The following OPCML variants were observed in gnomAD, a reference collection of about 807,000 sequenced individuals.
OPCML encodes opioid binding protein/cell adhesion molecule like.
A neutral mutation model predicts 37.8 loss-of-function variants in OPCML; 13 were observed. The observed-to-expected ratio is 0.34, with a 90% confidence interval of 0.22 to 0.55. The LOEUF (loss-of-function observed/expected upper bound fraction) is 0.55, where lower values mean the gene tolerates loss of function less well. Among genes scored for constraint, OPCML ranks in the 20% least tolerant of loss-of-function variants. OPCML has a pLI of 0.91. For synonymous variants in OPCML, 176 were observed against 168.8 expected (o/e 1.04, Z -0.33); for missense variants, 341 against 435.6 (o/e 0.78, Z 1.93).
chr11:133,414,278 C>G (rs1040676088), intron 1 of OPCML, among the ~76,000 whole-genome samples: 1 of 152,102 alleles, frequency 6.6e-6, no homozygotes, highest in African/African-American at 2.4e-5. Flanking sequence ...GGTTTTCATC[C>G]TTGGCCAGCA....
chr11:132,567,224 T>C (rs962699722), intron 3 of OPCML, among the ~76,000 whole-genome samples: 1 of 152,118 alleles, frequency 6.6e-6, no homozygotes, highest in Non-Finnish European at 1.5e-5. Flanking sequence ...GCTTCCCAGT[T>C]CTCATGGTGA....
At chr11:132,638,339 A>G (rs1219736015) in intron 3 of OPCML, among the ~76,000 whole-genome samples, 1 of 151,942 alleles carries the variant, frequency 6.6e-6, no homozygotes, top group East Asian at 1.9e-4. Context: ...ATAGCTGGTA[A>G]CAGAAAAAAA....
intron 2 of OPCML, among the ~76,000 whole-genome samples, chr11:132,759,348 T>C (rs1946178458): frequency 6.6e-6 from 1 of 152,174 alleles, no homozygotes; most frequent in South Asian, 2.1e-4. Flanking sequence ...TCTTTTTCTA[T>C]TGTTTGGAAT....
At chr11:133,295,895 A>G (rs551535982) in intron 1 of OPCML, among the ~76,000 whole-genome samples, 65 of 152,354 alleles carry the variant, frequency 4.3e-4, no homozygotes, top group African/African-American at 1.5e-3. Context: ...TTTCATATAC[A>G]TTTGCACTCC....
At chr11:133,117,137 G>T (rs1222811518) in intron 1 of OPCML, among the ~76,000 whole-genome samples, 2 of 152,070 alleles carry the variant, frequency 1.3e-5, no homozygotes, top group Admixed American at 6.5e-5. Flanking sequence ...AATTATCCCA[G>T]ATTTGGTTAA....
chr11:132,781,793 C>T (rs2136151998), intron 2 of OPCML, among the ~76,000 whole-genome samples: 1 of 151,670 alleles, frequency 6.6e-6, no homozygotes, highest in East Asian at 2.0e-4. Flanking sequence ...GAAAAATAAT[C>T]TCTAGGTTAA....
intron 1 of OPCML, among the ~76,000 whole-genome samples, chr11:133,294,041 G>A (rs887785074): frequency 2.0e-5 from 3 of 151,990 alleles, no homozygotes; most frequent in African/African-American, 7.3e-5. Context: ...GAAGAGTTAA[G>A]GGAATCTCAG....
chr11:133,008,216 C>T (rs1426284933), intron 1 of OPCML: 7 of 985,258 alleles, frequency 7.1e-6, no homozygotes, highest in African/African-American at 3.5e-5. Context: ...AAGCTCAGAC[C>T]CTACACAGTG....
intron 3 of OPCML, among the ~76,000 whole-genome samples, chr11:132,572,174 C>A (rs1300800190): frequency 6.6e-6 from 1 of 151,718 alleles, no homozygotes; most frequent in Non-Finnish European, 1.5e-5. Flanking sequence ...AGAGATTAAC[C>A]CTTACTGGAC....
intron 1 of OPCML, among the ~76,000 whole-genome samples, chr11:133,244,942 T>C (rs1940866950): frequency 6.6e-6 from 1 of 152,224 alleles, no homozygotes; most frequent in African/African-American, 2.4e-5. Context: ...TACCCTGAGA[T>C]GGCGATGCCT....
At chr11:132,607,510 T>A (rs910691007) in intron 3 of OPCML, among the ~76,000 whole-genome samples, 1 of 152,190 alleles carries the variant, frequency 6.6e-6, no homozygotes, top group African/African-American at 2.4e-5. Context: ...GGTTCCTGTA[T>A]CCTTGTGTTC....
intron 1 of OPCML, chr11:133,006,288 G>A: frequency 2.0e-6 from 1 of 509,048 alleles, no homozygotes; most frequent in Non-Finnish European, 2.5e-6. Context: ...GGCCTGGTGA[G>A]AGAGATTCCC....
chr11:133,367,057 C>A (rs1269139487), intron 1 of OPCML, among the ~76,000 whole-genome samples: 1 of 152,128 alleles, frequency 6.6e-6, no homozygotes, highest in African/African-American at 2.4e-5. Context: ...CGGTTCAATG[C>A]AACCTCTGAC....
At chr11:132,563,310 T>G (rs12365588) in intron 3 of OPCML, among the ~76,000 whole-genome samples, 66,857 of 151,840 alleles carry the variant, frequency 0.44, 15,120 homozygotes, top group African/African-American at 0.49. Flanking sequence ...GCTGTGATAC[T>G]TGGAGTATAA....
intron 3 of OPCML, 100 bp downstream of exon 3, chr11:132,656,987 T>C: frequency 6.6e-7 from 1 of 1,519,736 alleles, no homozygotes; most frequent in Non-Finnish European, 8.9e-7. Flanking sequence ...TAGAGGAAGA[T>C]GACTTTTGTG....
At chr11:133,465,670 G>T (rs1946960977) in intron 1 of OPCML, among the ~76,000 whole-genome samples, 1 of 152,084 alleles carries the variant, frequency 6.6e-6, no homozygotes, top group South Asian at 2.1e-4. Flanking sequence ...TTAAATTTGG[G>T]CTCTGGAATC....
chr11:132,734,756 T>A (rs534975041), intron 2 of OPCML, among the ~76,000 whole-genome samples: 68 of 152,362 alleles, frequency 4.5e-4, no homozygotes, highest in African/African-American at 1.3e-3. Flanking sequence ...TGTTGCCGAC[T>A]GTAAAAACGT....
At chr11:133,014,535 A>C (rs1947283210) in intron 1 of OPCML, among the ~76,000 whole-genome samples, 1 of 152,180 alleles carries the variant, frequency 6.6e-6, no homozygotes, top group Non-Finnish European at 1.5e-5. Flanking sequence ...CTCAAGTATC[A>C]CTAGCCATCT....
At chr11:132,734,208 C>T (rs1248641130) in intron 2 of OPCML, among the ~76,000 whole-genome samples, 1 of 152,166 alleles carries the variant, frequency 6.6e-6, no homozygotes, top group Admixed American at 6.5e-5. Flanking sequence ...TTTGTGATAG[C>T]CAGGCCCCCA....
Sources: allele counts gnomAD v4.1 joint callset (sites outside exome capture counted in the v4.1 genomes callset), GRCh38; gene constraint gnomAD v4.1.1; transcripts MANE v1.5; gene names NCBI Gene and HGNC (gene_info 2026-07-23, HGNC 2026-07-21).